Variants in SLCO5A1 observed in about 807,000 individuals in gnomAD.
The protein encoded by SLCO5A1 is organic anion transporter polypeptide-related protein 4.
In SLCO5A1, 39 loss-of-function variants were observed where a neutral mutation model predicts 65.1. The ratio of observed to expected loss-of-function variants is 0.60; its 90% CI spans 0.46 to 0.78. SLCO5A1 has a LOEUF of 0.78. Among genes scored for constraint, SLCO5A1 ranks in the 30% least tolerant of loss-of-function variants. SLCO5A1 has a pLI of 0.00. For synonymous variants in SLCO5A1, 438 were observed against 415.7 expected (o/e 1.05, Z -0.65); for missense variants, 1,029 against 1,069.4 (o/e 0.96, Z 0.53).
Position 69,673,198 on chromosome 8 carries a change from C to A in SLCO5A1, c.2218G>T (p.Gly740Cys), listed in dbSNP as rs760726589. The change falls in exon 10 of 10, where the codon GGT (glycine) becomes TGT (cysteine). Residue 740 changes from glycine (G) to cysteine (C), a missense_variant. Physicochemically the swap from Gly to Cys is radical, Grantham distance 159 (BLOSUM62 -3). Coordinates refer to ENST00000260126, the MANE Select transcript of SLCO5A1 (RefSeq NM_030958.3). ...ACGAATTTGAGGCCGGCAGCCAAAC[C>A]AAAATACACAAAACGAAACGACGTC... ...NVTSFRFVYFGLAAGLKFVGF... is the reference protein window; with the variant it reads ...NVTSFRFVYFCLAAGLKFVGF... 1.9e-6 allele frequency: 3 copies of A among 1,614,012 alleles called. No individual in the cohort carries two copies. Among genetic ancestry groups the A allele is most frequent in the Admixed American group, 3.3e-5 (2 of 60,004 alleles).
intron 2 of SLCO5A1, among the ~76,000 whole-genome samples, chr8:69,766,902 G>A (rs1360840336): frequency 6.6e-6 from 1 of 152,166 alleles, no homozygotes; most frequent in African/African-American, 2.4e-5. Context: ...TACTCTCACT[G>A]CTCCCATTCA....
intron 2 of SLCO5A1, among the ~76,000 whole-genome samples, chr8:69,811,372 C>T (rs1241523968): frequency 6.6e-6 from 1 of 152,204 alleles, no homozygotes. Flanking sequence ...CTGAAAGCTT[C>T]GTCTTCTTTC....
Position 69,831,906 on chromosome 8 carries a change from T to C in SLCO5A1, c.768A>G (p.Gly256=). 6.2e-7 allele frequency: 1 copy of C among 1,608,998 alleles called. No homozygotes were observed. The highest frequency in any genetic ancestry group is 8.5e-7 in the Non-Finnish European group (1 of 1,178,486). ...LEPPACPKDS[G]GNNHWVYVAL... is the part of the protein sequence containing the mutation. ...CCACGTAGACCCAGTGATTATTTCC[T>C]CCCGAGTCCTTCGGACAGGCCGGAG... is the stretch of plus-strand genomic sequence containing the variant. The change falls in exon 2 of 10, where the codon GGA becomes GGG. Residue 256 remains glycine, a synonymous_variant. Transcript: ENST00000260126.
intron 2 of SLCO5A1, among the ~76,000 whole-genome samples, chr8:69,774,370 C>T (rs1315857602): frequency 6.6e-6 from 1 of 152,160 alleles, no homozygotes; most frequent in Non-Finnish European, 1.5e-5. Context: ...TGACTCTTAC[C>T]TTCTCCAGGC....
chr8:69,731,044 C>T (rs1816315184), intron 5 of SLCO5A1, among the ~76,000 whole-genome samples: 1 of 151,564 alleles, frequency 6.6e-6, no homozygotes, highest in Admixed American at 6.6e-5. Context: ...ATTGCCCAGG[C>T]TGGAGTGCAG....
At position 69,678,905 on chromosome 8, in the gene SLCO5A1, T is replaced by C. The variant is rs187099564; in HGVS notation, c.2024+473A>G. 2.1e-3 allele frequency among the ~76,000 whole-genome samples: 323 copies of C among 152,272 alleles called. 1 individual carries two copies. The highest frequency in any genetic ancestry group is 7.2e-3 in the African/African-American group (301 of 41,548). ...AATTAATGAACTCAGCATTTCAAATTGCAGGCCCAGCATAAATCACCACTG... is the reference window on the plus strand; with the variant it reads ...AATTAATGAACTCAGCATTTCAAATCGCAGGCCCAGCATAAATCACCACTG... On this transcript the variant is annotated intron_variant, in intron 8 of 9. Transcript: ENST00000260126.
At chr8:69,777,412 G>A (rs949088636) in intron 2 of SLCO5A1, among the ~76,000 whole-genome samples, 1 of 151,242 alleles carries the variant, frequency 6.6e-6, no homozygotes, top group African/African-American at 2.4e-5. Flanking sequence ...CAGGCGGAAG[G>A]AGGGATTCAA....
rs190321449 is a variant in SLCO5A1 at position 69,691,562 on chromosome 8, T to G, written c.1623-9219A>C. ...CTCTTTGAGTCTATGAACTTGACTC[T>G]TTTAGATACCTCATGTAAGTGAAAT... On this transcript the variant is annotated intron_variant, in intron 6 of 9. Transcript: ENST00000260126. Among the ~76,000 whole-genome samples, 4 of 152,334 alleles carry G rather than the reference T, an allele frequency of 2.6e-5. No individual in the cohort carries two copies. The East Asian group carries it at 7.7e-4, about 29-fold the overall frequency.
intron 2 of SLCO5A1, among the ~76,000 whole-genome samples, chr8:69,795,688 C>G (rs1195571248): frequency 2.6e-5 from 4 of 152,212 alleles, no homozygotes; most frequent in African/African-American, 9.6e-5. Context: ...GATGGTGGCC[C>G]TCTTCTCACA....
intron 2 of SLCO5A1, among the ~76,000 whole-genome samples, chr8:69,792,347 G>T (rs1819309687): frequency 6.6e-6 from 1 of 152,174 alleles, no homozygotes; most frequent in African/African-American, 2.4e-5. Context: ...GAGGGCAAAA[G>T]TGCTCCTGTA....
At chr8:69,721,554 G>C (rs1815815040) in intron 5 of SLCO5A1, among the ~76,000 whole-genome samples, 1 of 152,130 alleles carries the variant, frequency 6.6e-6, no homozygotes, top group South Asian at 2.1e-4. Context: ...TATGAGGCTA[G>C]TGCTCCCATA....
intron 2 of SLCO5A1, among the ~76,000 whole-genome samples, chr8:69,829,128 C>T (rs1821053467): frequency 6.6e-6 from 1 of 152,170 alleles, no homozygotes; most frequent in Non-Finnish European, 1.5e-5. Context: ...ACTCACCCAA[C>T]CAAATGATTA....
chr8:69,714,192 A>G (rs1815408165), intron 5 of SLCO5A1, among the ~76,000 whole-genome samples: 2 of 150,206 alleles, frequency 1.3e-5, no homozygotes, highest in South Asian at 4.3e-4. Flanking sequence ...AAGATGTATC[A>G]TTAGAATTAA....
intron 2 of SLCO5A1, among the ~76,000 whole-genome samples, chr8:69,808,621 A>G (rs1820106779): frequency 6.6e-6 from 1 of 152,220 alleles, no homozygotes; most frequent in East Asian, 1.9e-4. Flanking sequence ...TAGTGCTGCA[A>G]TGAACGAACA....
chr8:69,749,142 C>G (rs531221722), intron 4 of SLCO5A1, among the ~76,000 whole-genome samples: 1 of 152,264 alleles, frequency 6.6e-6, no homozygotes, highest in Admixed American at 6.5e-5. Context: ...TATACTTGTT[C>G]CAAAACACCT....
At position 69,738,132 on chromosome 8, in the gene SLCO5A1, T is replaced by C. The variant is rs950610705; in HGVS notation, c.1331A>G (p.Glu444Gly). ...AATGAAAGCAGTTACAATGGCACTC[T>C]CAGCTGTGTATGACAAACTCACAAA... ...FLFVSLSYTA[E>G]SAIVTAFITF... is the part of the protein sequence containing the mutation. The change falls in exon 5 of 10, where the codon GAG becomes GGG. Residue 444 changes from glutamate to glycine, a missense_variant. Coordinates refer to ENST00000260126, the MANE Select transcript of SLCO5A1 (RefSeq NM_030958.3). The C allele has an allele frequency of 6.2e-7, 1 of 1,613,860 alleles. No individual in the cohort carries two copies. Among genetic ancestry groups the C allele is most frequent in the African/African-American group, 1.3e-5 (1 of 74,918 alleles).
intron 2 of SLCO5A1, among the ~76,000 whole-genome samples, chr8:69,828,401 G>A (rs1586844232): frequency 6.6e-6 from 1 of 152,072 alleles, no homozygotes; most frequent in South Asian, 2.1e-4. Context: ...AGGAGATTGA[G>A]ACCATCCTGG....
chr8:69,803,373 C>T (rs1241694893), intron 2 of SLCO5A1, among the ~76,000 whole-genome samples: 3 of 152,112 alleles, frequency 2.0e-5, no homozygotes, highest in African/African-American at 7.2e-5. Flanking sequence ...GCCAAGACTG[C>T]GCCACTACCA....
In SLCO5A1 at chr8:69,782,334, G is replaced by T. The variant is rs138091002; in HGVS notation, c.908-20459C>A. 3.0e-3 allele frequency among the ~76,000 whole-genome samples: 449 copies of T among 152,144 alleles called. 4 individuals are homozygous for T. Among genetic ancestry groups the T allele is most frequent in the African/African-American group, 0.01 (429 of 41,538 alleles). On this transcript the variant is annotated intron_variant, in intron 2 of 9. Coordinates refer to ENST00000260126, the MANE Select transcript of SLCO5A1 (RefSeq NM_030958.3). The stretch of plus-strand genomic sequence containing the variant: ...CAGCGGCTCACACCTGTAATCCCAA[G>T]ACCTTGGGAGGCCAAGGAGGGAGGA...
Sources: allele counts gnomAD v4.1 joint callset (sites outside exome capture counted in the v4.1 genomes callset), GRCh38; gene constraint gnomAD v4.1.1; transcripts MANE v1.5; gene names NCBI Gene and HGNC (gene_info 2026-07-23, HGNC 2026-07-21).